Variants in HSPA4L observed in about 807,000 individuals in gnomAD.
HSPA4L encodes heat shock protein family A (Hsp70) member 4 like.
HSPA4L carries 48 observed loss-of-function variants against 100.3 expected under a neutral mutation model. The observed-to-expected ratio is 0.48, with a 90% CI of 0.38 to 0.61. The LOEUF (loss-of-function observed/expected upper bound fraction) is 0.61. HSPA4L is among the 20% of genes least tolerant of loss of function. The pLI is 0.00. For missense variants in HSPA4L, 886 were observed against 988.6 expected, an observed-to-expected ratio of 0.90 and a Z score of 1.39; for synonymous variants, 319 against 328.2, an observed-to-expected ratio of 0.97 and a Z score of 0.30.
At chr4:127,827,944 G>C (rs139563370) in intron 17 of HSPA4L, among the ~76,000 whole-genome samples, 1 of 152,114 alleles carries the variant, frequency 6.6e-6, no homozygotes, top group East Asian at 1.9e-4. Flanking sequence ...CAAATATGTA[G>C]TTATACAGAT....
At chr4:127,831,199 C>T (rs1249432173) in intron 18 of HSPA4L, among the ~76,000 whole-genome samples, 2 of 151,896 alleles carry the variant, frequency 1.3e-5, no homozygotes, top group African/African-American at 4.8e-5. Context: ...ATTTAAAAAA[C>T]ACTGCTAATG....
rs761166479 is a variant in HSPA4L, at chr4:127,835,025, A to T, written c.*2151A>T. The T allele has an allele frequency of 6.6e-6, 1 of 152,166 alleles. No homozygotes were observed. The highest frequency in any genetic ancestry group is 2.4e-5 in the African/African-American group (1 of 41,448). The allele number at this position is 152,166 out of a possible 1,614,324, so 9.4% of individuals were successfully genotyped here. Reference sequence around the variant, plus strand: ...ATTTCAAAAACGATTTAGCCTTATAATGTATTTATTTATTTAATTCATTAA... The same window carrying T: ...ATTTCAAAAACGATTTAGCCTTATATTGTATTTATTTATTTAATTCATTAA... On this transcript the variant is annotated 3_prime_UTR_variant, in exon 19 of 19. Coordinates refer to ENST00000296464, the MANE Select transcript of HSPA4L (RefSeq NM_014278.4).
In HSPA4L at chr4:127,818,336, G is replaced by C. The variant is rs765879421; in HGVS notation, c.1590G>C (p.Gln530His). ...TATTTTCTTTCTAGGATAAAATGCA[G>C]GTTGATCAAGAAGAAGGGCATCAAA... The part of the protein sequence containing the change: ...NENKDNMDKM[Q>H]VDQEEGHQKC... Residue 530 changes from glutamine (Q) to histidine (H), a missense_variant, in exon 13 of 19, where the codon CAG becomes CAC. Transcript: ENST00000296464. The C allele has an allele frequency of 6.2e-7, 1 of 1,608,450 alleles. No homozygotes were observed. The highest frequency in any genetic ancestry group is 1.1e-5 in the South Asian group (1 of 90,340).
In HSPA4L at chr4:127,820,445, A is replaced by G. The variant is rs1398171937; in HGVS notation, c.1692A>G (p.Lys564=). 1.2e-6 allele frequency: 2 copies of G among 1,600,598 alleles called. No homozygotes were observed. Among genetic ancestry groups the G allele is most frequent in the Non-Finnish European group, 1.7e-6 (2 of 1,175,614 alleles). The change falls in exon 14 of 19, where the codon AAA becomes AAG. Residue 564 remains lysine, a synonymous_variant. Coordinates refer to ENST00000296464, the MANE Select transcript of HSPA4L (RefSeq NM_014278.4). ...ATTTGCAGTCAGCTGTCTCAGACAA[A>G]CAAGACCGATTAAATCAGACACTTA... The part of the protein sequence containing the change: ...GAKTKSAVSD[K]QDRLNQTLKK...
Position 127,829,927 on chromosome 4 carries a change from CAGA to C in HSPA4L, c.2167-708_2167-706del, listed in dbSNP as rs141773653. Among the ~76,000 whole-genome samples the C allele has an allele frequency of 0.012, 1,878 of 152,028 alleles. 92 individuals are homozygous for C. The East Asian group carries it at 0.16, about 13-fold the overall frequency. ...ATTGATGCATAATTTGTAATAAAAG[CAGA>C]AGGAGGATTTGGGTATCCGAGGAAG... On this transcript the variant is annotated intron_variant, in intron 17 of 18. Transcript: ENST00000296464.
rs1310882098 is a variant in HSPA4L, at chr4:127,836,793, C to T, written c.*3919C>T. On this transcript the variant is annotated 3_prime_UTR_variant, in exon 19 of 19. Coordinates refer to ENST00000296464, the MANE Select transcript of HSPA4L (RefSeq NM_014278.4). The stretch of plus-strand genomic sequence containing the variant: ...AAATTTGACAAATAATAAGCCTCTC[C>T]CATTAGGATTTTCTGTTTTATAGTA... 6.6e-6 allele frequency: 1 copy of T among 151,994 alleles called. No individual in the cohort carries two copies. Among genetic ancestry groups the T allele is most frequent in the Non-Finnish European group, 1.5e-5 (1 of 68,012 alleles). 9.4% of individuals were successfully genotyped at this position (151,994 alleles called of 1,614,324 possible).
rs191067608 is a variant in HSPA4L at position 127,797,752 on chromosome 4, C to A, written c.307-835C>A. On this transcript the variant is annotated intron_variant, in intron 3 of 18. Coordinates refer to ENST00000296464, the MANE Select transcript of HSPA4L (RefSeq NM_014278.4). The stretch of plus-strand genomic sequence containing the variant: ...AAGTAGCTGGGATTACAGGCACCTG[C>A]CACCACGCCCAGCTAAGTTTTTGTA... 1.0e-2 allele frequency among the ~76,000 whole-genome samples: 1,516 copies of A among 152,146 alleles called. 26 individuals carry two copies. The highest frequency in any genetic ancestry group is 0.033 in the African/African-American group (1,384 of 41,498).
chr4:127,838,899 G>T lies in HSPA4L; in HGVS notation c.*6025G>T, dbSNP rs139412499. On this transcript the variant is annotated 3_prime_UTR_variant, in exon 19 of 19. Transcript: ENST00000296464. ...TTCCTTTTTAATATTTATTCTTCCCGTTAAGGGTTTTTTGGCTATAAATTC... is the reference window on the plus strand; with the variant it reads ...TTCCTTTTTAATATTTATTCTTCCCTTTAAGGGTTTTTTGGCTATAAATTC... 1 of 151,828 alleles carries T rather than the reference G, an allele frequency of 6.6e-6. No individual in the cohort carries two copies. Among genetic ancestry groups the T allele is most frequent in the South Asian group, 2.1e-4 (1 of 4,806 alleles). The allele number at this position is 151,828 out of a possible 1,614,324, so 9.4% of individuals were successfully genotyped here.
intron 3 of HSPA4L, among the ~76,000 whole-genome samples, chr4:127,796,269 AT>A (rs1324108158): frequency 6.6e-6 from 1 of 152,172 alleles, no homozygotes; most frequent in East Asian, 1.9e-4. Flanking sequence ...ATGAGTTCTA[AT>A]TTAGAAGAAT....
At chr4:127,804,179 G>T (rs1733280918) in intron 8 of HSPA4L, 92 bp downstream of exon 8, 1 of 981,938 alleles carries the variant, frequency 1.0e-6, no homozygotes, top group Non-Finnish European at 1.5e-6. Context: ...TTAAAACTTT[G>T]TTTTTTAAAA....
chr4:127,819,149 A>G (rs1733747617), intron 13 of HSPA4L, among the ~76,000 whole-genome samples: 1 of 152,190 alleles, frequency 6.6e-6, no homozygotes, highest in Admixed American at 6.5e-5. Flanking sequence ...GTTGCATATC[A>G]TAAAATATTT....
intron 2 of HSPA4L, among the ~76,000 whole-genome samples, chr4:127,794,760 T>C (rs1001084044): frequency 1.3e-5 from 2 of 152,098 alleles, no homozygotes; most frequent in African/African-American, 4.8e-5. Flanking sequence ...GTGTCACAGA[T>C]AATCAGAGTC....
chr4:127,793,717 A>G (rs1015470030), intron 1 of HSPA4L, among the ~76,000 whole-genome samples: 5 of 152,210 alleles, frequency 3.3e-5, no homozygotes, highest in Non-Finnish European at 7.3e-5. Context: ...CACAAGGTTA[A>G]GTGGCAAAGC....
In HSPA4L at chr4:127,789,331, A is replaced by G. The variant is rs527913502; in HGVS notation, c.108-4746A>G. On this transcript the variant is annotated intron_variant, in intron 1 of 18. Coordinates refer to ENST00000296464, the MANE Select transcript of HSPA4L (RefSeq NM_014278.4). ...ACACAATAGCAAGAGCAGATTGGAT[A>G]TTATAGATTTAAACTGCATTGAAAA... Among the ~76,000 whole-genome samples, 42 of 152,298 alleles carry G rather than the reference A, an allele frequency of 2.8e-4. No homozygotes were observed. In the South Asian group the frequency reaches 8.1e-3, roughly 29 times the overall value.
intron 1 of HSPA4L, among the ~76,000 whole-genome samples, chr4:127,790,050 TA>T (rs1732829472): frequency 6.6e-6 from 1 of 152,248 alleles, no homozygotes; most frequent in African/African-American, 2.4e-5. Flanking sequence ...TTTTTAACTT[TA>T]AAAGTTGTCT....
At chr4:127,796,595 C>A (rs1204099369) in intron 3 of HSPA4L, among the ~76,000 whole-genome samples, 1 of 152,002 alleles carries the variant, frequency 6.6e-6, no homozygotes, top group Non-Finnish European at 1.5e-5. Context: ...AGTAGATATA[C>A]AAAATGTGGT....
rs1208185374 is a variant in HSPA4L, at chr4:127,798,677, T to G, written c.397T>G (p.Leu133Val). The G allele has an allele frequency of 1.2e-6, 2 of 1,613,696 alleles. No individual in the cohort carries two copies. Among genetic ancestry groups the G allele is most frequent in the Non-Finnish European group, 8.5e-7 (1 of 1,179,722 alleles). The change falls in exon 4 of 19, where the codon TTG (leucine) becomes GTG (valine). Residue 133 changes from leucine (L) to valine (V), a missense_variant. Coordinates refer to ENST00000296464, the MANE Select transcript of HSPA4L (RefSeq NM_014278.4). ...GCTTAAAGAGACTTCAGAAAATGCT[T>G]TGAAGAAACCAGTGGCTGACTGTGT... The part of the protein sequence containing the change: ...AKLKETSENA[L>V]KKPVADCVIS...
At chr4:127,797,695 G>A (rs112809550) in intron 3 of HSPA4L, among the ~76,000 whole-genome samples, 15 of 149,154 alleles carry the variant, frequency 1.0e-4, no homozygotes, top group African/African-American at 3.5e-4. Flanking sequence ...TCTGCCTCCC[G>A]GGTTCCCACC....
At chr4:127,818,702 G>A (rs1238713193) in intron 13 of HSPA4L, among the ~76,000 whole-genome samples, 1 of 151,398 alleles carries the variant, frequency 6.6e-6, no homozygotes, top group African/African-American at 2.4e-5. Flanking sequence ...CGGACACATA[G>A]AGGGGAACAA....
Sources: allele counts gnomAD v4.1 joint callset (sites outside exome capture counted in the v4.1 genomes callset), GRCh38; gene constraint gnomAD v4.1.1; transcripts MANE v1.5; gene names NCBI Gene and HGNC (gene_info 2026-07-23, HGNC 2026-07-21).